Variants in APAF1 observed in about 807,000 individuals in gnomAD.
APAF1 encodes apoptotic protease-activating factor 1.
A neutral mutation model predicts 152.4 loss-of-function variants in APAF1; 91 were observed. The ratio of observed to expected loss-of-function variants is 0.60; its 90% CI spans 0.50 to 0.71. The LOEUF (loss-of-function observed/expected upper bound fraction) is 0.71. Among genes scored for constraint, APAF1 ranks in the 30% least tolerant of loss-of-function variants. APAF1 has a pLI of 0.00. For synonymous variants in APAF1, 484 were observed against 494.1 expected (o/e 0.98, Z 0.27); for missense variants, 1,283 against 1,472.0 (o/e 0.87, Z 2.10).
intron 21 of APAF1, among the ~76,000 whole-genome samples, chr12:98,714,861 T>C (rs562476249): frequency 6.7e-6 from 1 of 150,164 alleles, no homozygotes; most frequent in African/African-American, 2.4e-5. Flanking sequence ...TTTTTTGACA[T>C]AGTCATTATC....
chr12:98,720,164 G>T (rs918309015), intron 22 of APAF1, among the ~76,000 whole-genome samples: 1 of 152,160 alleles, frequency 6.6e-6, no homozygotes, highest in Non-Finnish European at 1.5e-5. Flanking sequence ...AAATTCATAA[G>T]GTTTTTATGA....
intron 5 of APAF1, among the ~76,000 whole-genome samples, chr12:98,659,571 G>T (rs2097662164): frequency 6.6e-6 from 1 of 151,816 alleles, no homozygotes; most frequent in African/African-American, 2.4e-5. Context: ...GACTAACATG[G>T]TGAAACCCCA....
In APAF1 at chr12:98,732,535, G is replaced by A; in HGVS notation, c.3716G>A (p.Gly1239Asp). The A allele has an allele frequency of 1.3e-6, 2 of 1,567,904 alleles. No homozygotes were observed. The highest frequency in any genetic ancestry group is 1.8e-6 in the Non-Finnish European group (2 of 1,138,044). Residue 1239 changes from glycine (G) to aspartate (D), a missense_variant, in exon 27 of 27, where the codon GGT becomes GAT. By Grantham distance (94) the Gly-to-Asp change is moderately conservative. Coordinates refer to ENST00000551964, the MANE Select transcript of APAF1 (RefSeq NM_181861.2). ...FKTYVTVDNL[G>D]ILYILQTLE ...ACATATGTGACTGTGGATAATCTTG[G>A]TATTTTATATATTTTACAGACTTTA...
At chr12:98,702,070 A>AT (rs368507199) in intron 17 of APAF1, among the ~76,000 whole-genome samples, 123 of 145,372 alleles carry the variant, frequency 8.5e-4, no homozygotes, top group East Asian at 1.8e-3. Flanking sequence ...TTCACTAAAC[A>AT]TTTTTTTTTT....
chr12:98,701,701 T>C (rs76742622), intron 17 of APAF1, among the ~76,000 whole-genome samples: 1,918 of 152,364 alleles, frequency 0.013, 60 homozygotes, highest in East Asian at 0.074. Context: ...TAAAAATCTG[T>C]ACAGCAGTTC....
At chr12:98,718,389 C>A (rs903205866) in intron 22 of APAF1, among the ~76,000 whole-genome samples, 1 of 152,056 alleles carries the variant, frequency 6.6e-6, no homozygotes, top group African/African-American at 2.4e-5. Context: ...CCTGCCATCA[C>A]ATGCAGCTAA....
intron 11 of APAF1, 133 bp from the exon 12 acceptor site, chr12:98,671,402 T>G: frequency 1.2e-6 from 1 of 828,756 alleles, no homozygotes; most frequent in South Asian, 1.4e-5. Context: ...TGTTACTTAA[T>G]GGTTGGCTGT....
chr12:98,656,649 G>T, intron 4 of APAF1, among the ~76,000 whole-genome samples: 1 of 152,182 alleles, frequency 6.6e-6, no homozygotes, highest in East Asian at 1.9e-4. Context: ...CTGTGAGCAG[G>T]AAACTCTCTT....
In APAF1 at chr12:98,715,520, C is replaced by G. The variant is rs560213908; in HGVS notation, c.3052C>G (p.Leu1018Val). 5 of 1,613,700 alleles carry G rather than the reference C, an allele frequency of 3.1e-6. No homozygotes were observed. The South Asian group carries it at 3.3e-5, about 11-fold the overall frequency. Residue 1018 changes from leucine (L) to valine (V), a missense_variant, in exon 22 of 27, where the codon CTT (leucine) becomes GTT (valine). By Grantham distance (32) the Leu-to-Val change is conservative. Transcript: ENST00000551964. ...HIQFTADEKT[L>V]ISSSDDAEIQ... Reference sequence around the variant, plus strand: ...CCAGTTCACAGCCGATGAGAAGACTCTTATTTCAAGTTCTGATGATGCTGA... The same window carrying G: ...CCAGTTCACAGCCGATGAGAAGACTGTTATTTCAAGTTCTGATGATGCTGA...
intron 16 of APAF1, among the ~76,000 whole-genome samples, chr12:98,691,937 A>T (rs759412251): frequency 5.3e-5 from 8 of 152,102 alleles, no homozygotes; most frequent in Non-Finnish European, 1.0e-4. Flanking sequence ...CAGGTATGTC[A>T]TCTGCAACCT....
intron 12 of APAF1, among the ~76,000 whole-genome samples, chr12:98,672,287 C>A (rs2097681239): frequency 6.6e-6 from 1 of 152,036 alleles, no homozygotes; most frequent in Non-Finnish European, 1.5e-5. Flanking sequence ...GCCTCAGCCT[C>A]CAAAGTAGCT....
At chr12:98,672,916 G>C (rs540451792) in intron 12 of APAF1, among the ~76,000 whole-genome samples, 278 of 151,750 alleles carry the variant, frequency 1.8e-3, no homozygotes, top group African/African-American at 6.4e-3. Context: ...CACCACGCCT[G>C]GCCGATTTTG....
chr12:98,722,608 C>T (rs1191793954), intron 22 of APAF1, among the ~76,000 whole-genome samples: 1 of 152,138 alleles, frequency 6.6e-6, no homozygotes, highest in South Asian at 2.1e-4. Flanking sequence ...TTCATTCCCC[C>T]CACCCCTTTC....
intron 16 of APAF1, among the ~76,000 whole-genome samples, chr12:98,696,444 C>T (rs2097709980): frequency 6.6e-6 from 1 of 152,192 alleles, no homozygotes; most frequent in Non-Finnish European, 1.5e-5. Context: ...AGGGATCCAC[C>T]CCCATGACCC....
At chr12:98,678,762 G>T (rs1044066823) in intron 13 of APAF1, among the ~76,000 whole-genome samples, 7 of 152,248 alleles carry the variant, frequency 4.6e-5, no homozygotes, top group African/African-American at 1.4e-4. Flanking sequence ...GCAAAGCTGG[G>T]GCTGAGCCTG....
intron 12 of APAF1, among the ~76,000 whole-genome samples, chr12:98,674,019 C>T (rs1236378699): frequency 2.0e-5 from 3 of 151,942 alleles, no homozygotes; most frequent in Non-Finnish European, 2.9e-5. Flanking sequence ...TATTTTGAGA[C>T]AGGACCTCAC....
intron 12 of APAF1, among the ~76,000 whole-genome samples, chr12:98,673,384 C>T (rs1472216258): frequency 6.8e-6 from 1 of 148,084 alleles, no homozygotes; most frequent in Non-Finnish European, 1.5e-5. Flanking sequence ...TGCAGTGAGC[C>T]GAGATTGTGC....
chr12:98,723,834 A>C, intron 24 of APAF1, 70 bp downstream of exon 24: 1 of 1,491,986 alleles, frequency 6.7e-7, no homozygotes, highest in Non-Finnish European at 9.3e-7. Flanking sequence ...CAAATAATAT[A>C]TGCAAAAGGA....
At chr12:98,731,265 TC>T (rs1371838832) in intron 26 of APAF1, among the ~76,000 whole-genome samples, 20 of 152,144 alleles carry the variant, frequency 1.3e-4, no homozygotes, top group African/African-American at 4.6e-4. Flanking sequence ...ATTATGAACA[TC>T]CCCCCACCAG....
Sources: gnomAD v4.1 joint callset for allele counts (sites outside exome capture counted in the v4.1 genomes callset) on GRCh38, gnomAD v4.1.1 for gene constraint, MANE v1.5 for transcripts, NCBI Gene and HGNC (gene_info 2026-07-23, HGNC 2026-07-21) for gene names.